The following NTM variants were observed in gnomAD, a reference collection of about 807,000 sequenced individuals.
NTM encodes IgLON family member 2.
NTM carries 13 observed loss-of-function variants against 42.1 expected under a neutral mutation model. The ratio of observed to expected loss-of-function variants is 0.31; its 90% CI spans 0.20 to 0.49. The LOEUF (loss-of-function observed/expected upper bound fraction) is 0.49. NTM is among the 20% of genes least tolerant of loss of function. The pLI is 0.99. For missense variants in NTM, 373 were observed against 452.8 expected, an observed-to-expected ratio of 0.82 and a Z score of 1.60; for synonymous variants, 187 against 179.2, an observed-to-expected ratio of 1.04 and a Z score of -0.35.
intron 2 of NTM, among the ~76,000 whole-genome samples, chr11:132,017,436 A>G (rs2073615234): frequency 6.6e-6 from 1 of 151,988 alleles, no homozygotes; most frequent in South Asian, 2.1e-4. Context: ...AATTCAGTTG[A>G]CCGTAAATGG....
intron 1 of NTM, among the ~76,000 whole-genome samples, chr11:131,817,589 C>T (rs904896961): frequency 6.6e-6 from 1 of 152,164 alleles, no homozygotes; most frequent in Non-Finnish European, 1.5e-5. Context: ...GCGGGGAGAG[C>T]CCACCTGAAC....
chr11:131,660,498 C>A (rs112350881), intron 1 of NTM: 1 of 457,380 alleles, frequency 2.2e-6, no homozygotes, highest in Non-Finnish European at 4.4e-6. Flanking sequence ...TCCCTCCTCC[C>A]GAGAGGCACC....
At chr11:131,888,265 C>T (rs1179491824) in intron 1 of NTM, among the ~76,000 whole-genome samples, 1 of 152,096 alleles carries the variant, frequency 6.6e-6, no homozygotes, top group Admixed American at 6.5e-5. Flanking sequence ...TGCACCACTA[C>T]ACTCCAGCCT....
intron 2 of NTM, among the ~76,000 whole-genome samples, chr11:132,092,250 G>A (rs186239647): frequency 6.6e-6 from 1 of 152,146 alleles, no homozygotes; most frequent in African/African-American, 2.4e-5. Flanking sequence ...CCCTGTGATA[G>A]CCACAAAGAA....
intron 1 of NTM, among the ~76,000 whole-genome samples, chr11:131,550,199 T>G (rs1395079937): frequency 6.6e-6 from 1 of 152,232 alleles, no homozygotes; most frequent in Non-Finnish European, 1.5e-5. Flanking sequence ...TGAAATGTGT[T>G]AATTAAGCCT....
At chr11:131,674,143 C>T (rs1307479733) in intron 1 of NTM, among the ~76,000 whole-genome samples, 1 of 152,254 alleles carries the variant, frequency 6.6e-6, no homozygotes, top group East Asian at 1.9e-4. Context: ...TGCGGGCGCC[C>T]TCGCGTGGCC....
intron 1 of NTM, among the ~76,000 whole-genome samples, chr11:131,505,533 C>T (rs1228221171): frequency 6.6e-6 from 1 of 152,182 alleles, no homozygotes; most frequent in Non-Finnish European, 1.5e-5. Flanking sequence ...ACCCCCTTTT[C>T]ACAGGTGAGG....
intron 4 of NTM, among the ~76,000 whole-genome samples, chr11:132,243,841 G>GC (rs1566562919): frequency 1.3e-5 from 2 of 152,092 alleles, no homozygotes; most frequent in African/African-American, 4.8e-5. Flanking sequence ...TGGCATATTG[G>GC]CCCACAGAAC....
At chr11:131,959,913 A>G (rs1468071127) in intron 2 of NTM, among the ~76,000 whole-genome samples, 6 of 152,190 alleles carry the variant, frequency 3.9e-5, no homozygotes, top group African/African-American at 1.2e-4. Context: ...TTACGTTTCT[A>G]TATTAACTTT....
chr11:131,848,598 C>A (rs1282738886), intron 1 of NTM, among the ~76,000 whole-genome samples: 2 of 152,198 alleles, frequency 1.3e-5, no homozygotes, highest in African/African-American at 4.8e-5. Context: ...TCCCTTTGAC[C>A]TTTGATGATG....
At chr11:131,917,738 G>GC (rs1176067835) in intron 2 of NTM, among the ~76,000 whole-genome samples, 2 of 152,040 alleles carry the variant, frequency 1.3e-5, no homozygotes, top group Non-Finnish European at 2.9e-5. Context: ...CCACTGCCCT[G>GC]CCCCCTCTCA....
intron 1 of NTM, among the ~76,000 whole-genome samples, chr11:131,653,688 G>A (rs1202120074): frequency 6.6e-6 from 1 of 152,202 alleles, no homozygotes; most frequent in East Asian, 1.9e-4. Context: ...ACCCCTGCGT[G>A]TGGGGTCCTG....
intron 1 of NTM, among the ~76,000 whole-genome samples, chr11:131,666,332 G>A (rs2069042463): frequency 6.6e-6 from 1 of 152,198 alleles, no homozygotes; most frequent in Non-Finnish European, 1.5e-5. Context: ...ATAATTGCCA[G>A]AGGGTTCCTT....
At chr11:131,689,192 G>A (rs1312100391) in intron 1 of NTM, among the ~76,000 whole-genome samples, 3 of 152,216 alleles carry the variant, frequency 2.0e-5, no homozygotes, top group Non-Finnish European at 4.4e-5. Context: ...GGGAGCCAGT[G>A]CACTGCCTGT....
At chr11:131,885,289 G>T (rs1457758798) in intron 1 of NTM, among the ~76,000 whole-genome samples, 1 of 152,218 alleles carries the variant, frequency 6.6e-6, no homozygotes, top group African/African-American at 2.4e-5. Context: ...GAGAGGAAAA[G>T]GTGATAAAGG....
intron 2 of NTM, among the ~76,000 whole-genome samples, chr11:131,984,869 G>T (rs929973939): frequency 1.3e-5 from 2 of 152,066 alleles, no homozygotes; most frequent in Non-Finnish European, 2.9e-5. Context: ...TGGATACATT[G>T]GGATACTCTG....
chr11:131,512,721 G>A (rs1222435414), intron 1 of NTM, among the ~76,000 whole-genome samples: 4 of 152,052 alleles, frequency 2.6e-5, no homozygotes, highest in African/African-American at 7.2e-5. Flanking sequence ...GTGCTGGCTG[G>A]GCCACGGGAT....
chr11:132,192,171 T>C (rs1285529912), intron 3 of NTM, among the ~76,000 whole-genome samples: 1 of 152,086 alleles, frequency 6.6e-6, no homozygotes, highest in African/African-American at 2.4e-5. Flanking sequence ...AGAACCCCTG[T>C]GAGATACTAT....
rs573923546 is a variant in NTM, at chr11:131,789,814, G to A, written c.83-121750G>A. On this transcript the variant is annotated intron_variant, in intron 1 of 8. Transcript: ENST00000683400. ...TACTAAAAATACAAAAAATTAGCCG[G>A]GTGTGGTGGCGGGAGCCTGTAGTCC... Among the ~76,000 whole-genome samples, 193 of 150,452 alleles carry A rather than the reference G, an allele frequency of 1.3e-3. 4 individuals carry two copies. In the South Asian group the frequency reaches 0.021, roughly 16 times the overall value.
Sources: allele counts gnomAD v4.1 joint callset (sites outside exome capture counted in the v4.1 genomes callset), GRCh38; gene constraint gnomAD v4.1.1; transcripts MANE v1.5; gene names NCBI Gene and HGNC (gene_info 2026-07-23, HGNC 2026-07-21).